The following SCN11A variants were observed in gnomAD, a reference collection of about 807,000 sequenced individuals.
SCN11A encodes the protein sodium voltage-gated channel alpha subunit 11.
A neutral mutation model predicts 162.2 loss-of-function variants in SCN11A; 122 were observed. That is an observed-to-expected ratio of 0.75 (90% CI 0.65 to 0.87). SCN11A has a LOEUF of 0.87. Among genes scored for constraint, SCN11A ranks in the 40% least tolerant of loss-of-function variants. The pLI, the probability that SCN11A is intolerant of heterozygous loss-of-function variation, is 0.00. For synonymous variants in SCN11A, 758 were observed against 751.5 expected (o/e 1.01, Z -0.14); for missense variants, 2,015 against 2,181.6 (o/e 0.92, Z 1.52).
rs1575277200 is a variant in SCN11A at position 38,907,956 on chromosome 3, TGGCAA to T, written c.1461_1465del (p.Asp487GlufsTer23). The T allele has an allele frequency of 6.9e-6, 11 of 1,599,418 alleles. No individual in the cohort carries two copies. Among genetic ancestry groups the T allele is most frequent in the Admixed American group, 3.6e-5 (2 of 55,620 alleles). Reference sequence around the variant, plus strand: ...TCCCTGGAAAAGACTTACCTTTTTTTGGCAATCTTCATCAGAATCTGACCCAGGAG... The same window carrying T: ...TCCCTGGAAAAGACTTACCTTTTTTTTCTTCATCAGAATCTGACCCAGGAG... On this transcript the variant is annotated frameshift_variant, in exon 14 of 30. Coordinates refer to ENST00000302328, the MANE Select transcript of SCN11A (RefSeq NM_001349253.2). LOFTEE classifies it high-confidence loss of function.
chr3:39,041,568 G>A (rs2032049887), intron 1 of SCN11A, among the ~76,000 whole-genome samples: 1 of 152,076 alleles, frequency 6.6e-6, no homozygotes, highest in African/African-American at 2.4e-5. Context: ...AGTGCTGTAA[G>A]AAAAAAACTG....
intron 2 of SCN11A, among the ~76,000 whole-genome samples, chr3:39,018,192 T>C (rs1365557210): frequency 6.6e-6 from 1 of 152,228 alleles, no homozygotes; most frequent in Non-Finnish European, 1.5e-5. Context: ...CTAATCTTTT[T>C]AGAAACTTCT....
intron 28 of SCN11A, among the ~76,000 whole-genome samples, chr3:38,851,776 GT>G (rs1340700472): frequency 6.6e-6 from 1 of 152,216 alleles, no homozygotes; most frequent in Non-Finnish European, 1.5e-5. Flanking sequence ...CAAGGGATCT[GT>G]TATATAATCC....
At chr3:38,880,179 G>A (rs1296892686) in intron 22 of SCN11A, 56 bp from the exon 23 acceptor site, 2 of 1,304,208 alleles carry the variant, frequency 1.5e-6, no homozygotes, top group South Asian at 1.4e-5. Flanking sequence ...AGAACTCCTT[G>A]GTAACTTTAC....
chr3:39,004,856 T>TAGCAGG (rs2030921975), intron 2 of SCN11A, among the ~76,000 whole-genome samples: 1 of 152,190 alleles, frequency 6.6e-6, no homozygotes, highest in Admixed American at 6.5e-5. Context: ...TCTCATGTGA[T>TAGCAGG]ACTGTAGCAG....
intron 2 of SCN11A, among the ~76,000 whole-genome samples, chr3:38,976,599 T>C (rs1050055986): frequency 2.6e-5 from 4 of 152,174 alleles, no homozygotes; most frequent in African/African-American, 9.7e-5. Context: ...TCCAAAATCT[T>C]TAAAAATCTG....
chr3:38,979,228 ATGAG>A lies in SCN11A; in HGVS notation c.-279-18809_-279-18806del, dbSNP rs10584893. ...ATTTGCTGAATGAAGAAAAGAGTGA[ATGAG>A]TGACTGAATGGTTCCCAGATTTTTG... On this transcript the variant is annotated intron_variant, in intron 2 of 29. Coordinates refer to ENST00000302328, the MANE Select transcript of SCN11A (RefSeq NM_001349253.2). Among the ~76,000 whole-genome samples, 1,227 of 152,370 alleles carry A rather than the reference ATGAG, an allele frequency of 8.1e-3. 13 individuals carry two copies. The highest frequency in any genetic ancestry group is 0.028 in the African/African-American group (1,167 of 41,586).
intron 2 of SCN11A, among the ~76,000 whole-genome samples, chr3:39,027,987 G>C (rs984965895): frequency 2.0e-5 from 3 of 152,308 alleles, no homozygotes; most frequent in Non-Finnish European, 1.5e-5. Flanking sequence ...GTCCTCTTGA[G>C]TGGGACTTAA....
chr3:38,850,886 T>G, intron 28 of SCN11A, 135 bp from the exon 29 acceptor site: 2 of 635,486 alleles, frequency 3.1e-6, no homozygotes, highest in Non-Finnish European at 5.0e-6. Flanking sequence ...CAGACCCTTT[T>G]CAAAGGGCAA....
intron 7 of SCN11A, among the ~76,000 whole-genome samples, chr3:38,931,488 G>T (rs1040916944): frequency 6.6e-6 from 1 of 152,212 alleles, no homozygotes; most frequent in African/African-American, 2.4e-5. Flanking sequence ...AGGTAGGGTG[G>T]AAGTGACTGG....
chr3:38,890,426 G>A (rs1223841283), intron 19 of SCN11A, among the ~76,000 whole-genome samples: 2 of 152,194 alleles, frequency 1.3e-5, no homozygotes, highest in Non-Finnish European at 2.9e-5. Flanking sequence ...TTGATCATAA[G>A]CAAATAAGAA....
intron 19 of SCN11A, among the ~76,000 whole-genome samples, chr3:38,889,883 G>A (rs1480568148): frequency 1.3e-5 from 2 of 149,050 alleles, no homozygotes; most frequent in African/African-American, 4.9e-5. Context: ...AATAAATGCT[G>A]TTTAGTATCA....
At chr3:38,883,043 G>T (rs567282628) in intron 22 of SCN11A, among the ~76,000 whole-genome samples, 190 bp downstream of exon 22, 1 of 152,282 alleles carries the variant, frequency 6.6e-6, no homozygotes, top group South Asian at 2.1e-4. Flanking sequence ...AAGCATCTTT[G>T]CTTGGTGATA....
At chr3:38,996,314 T>C (rs1348159444) in intron 2 of SCN11A, among the ~76,000 whole-genome samples, 1 of 152,194 alleles carries the variant, frequency 6.6e-6, no homozygotes, top group Non-Finnish European at 1.5e-5. Flanking sequence ...TGTAGCATTA[T>C]CCAGGGCAGG....
chr3:39,028,709 A>T (rs530909263), intron 2 of SCN11A, among the ~76,000 whole-genome samples: 2 of 152,360 alleles, frequency 1.3e-5, no homozygotes, highest in African/African-American at 4.8e-5. Context: ...ACATGGCAAG[A>T]GAGCAAGAGT....
chr3:39,011,609 T>C (rs2031137054), intron 2 of SCN11A, among the ~76,000 whole-genome samples: 1 of 152,258 alleles, frequency 6.6e-6, no homozygotes, highest in South Asian at 2.1e-4. Flanking sequence ...GGGAACCAAA[T>C]ATCTTGTGGT....
At chr3:38,911,178 G>A (rs946447937) in intron 11 of SCN11A, among the ~76,000 whole-genome samples, 9 of 151,910 alleles carry the variant, frequency 5.9e-5, no homozygotes, top group Admixed American at 5.3e-4. Flanking sequence ...GCTTTTTTAT[G>A]TTTTACTCCC....
chr3:38,945,038 C>G (rs565722459), intron 7 of SCN11A, among the ~76,000 whole-genome samples: 2 of 152,070 alleles, frequency 1.3e-5, no homozygotes, highest in South Asian at 4.2e-4. Flanking sequence ...TTTTTACAAA[C>G]AAAAACAAAG....
chr3:38,907,348 ATC>A (rs200809384), intron 14 of SCN11A, among the ~76,000 whole-genome samples: 88,346 of 125,918 alleles, frequency 0.7, 31,981 homozygotes, highest in East Asian at 0.87. Flanking sequence ...GTGTGTATAT[ATC>A]TATATATACA....
Sources: allele counts gnomAD v4.1 joint callset (sites outside exome capture counted in the v4.1 genomes callset), GRCh38; gene constraint gnomAD v4.1.1; transcripts MANE v1.5; gene names NCBI Gene and HGNC (gene_info 2026-07-23, HGNC 2026-07-21).